Variants in PLCXD3 observed in about 807,000 individuals in gnomAD.
PLCXD3 encodes the protein phosphatidylinositol specific phospholipase C X domain containing 3.
PLCXD3 carries 19 observed loss-of-function variants against 25.5 expected under a neutral mutation model. That is an observed-to-expected ratio of 0.75 (90% CI 0.52 to 1.09). The LOEUF (loss-of-function observed/expected upper bound fraction) is 1.09, where lower values mean the gene tolerates loss of function less well. PLCXD3 is among the 50% of genes least tolerant of loss of function. The probability of loss-of-function intolerance (pLI) is 0.00; values close to 1 mark genes in which losing one functional copy is unlikely to be tolerated. For missense variants in PLCXD3, 411 were observed against 388.1 expected, an observed-to-expected ratio of 1.06 and a Z score of -0.50; for synonymous variants, 174 against 137.6, an observed-to-expected ratio of 1.26 and a Z score of -1.85.
intron 2 of PLCXD3, among the ~76,000 whole-genome samples, chr5:41,357,242 C>T (rs547774795): frequency 2.2e-4 from 34 of 152,086 alleles, no homozygotes; most frequent in Non-Finnish European, 3.7e-4. Context: ...ATACACTATT[C>T]GTTAATTGTG....
chr5:41,498,804 C>A (rs1007512394), intron 1 of PLCXD3, among the ~76,000 whole-genome samples: 7 of 151,680 alleles, frequency 4.6e-5, no homozygotes, highest in Admixed American at 4.6e-4. Flanking sequence ...GAATCATACA[C>A]CACGATTAAG....
chr5:41,465,070 T>C (rs1186779467), intron 1 of PLCXD3, among the ~76,000 whole-genome samples: 1 of 152,074 alleles, frequency 6.6e-6, no homozygotes, highest in Non-Finnish European at 1.5e-5. Context: ...TTCTTTCTTT[T>C]AAAAATTATT....
At chr5:41,328,570 C>T (rs1050405781) in intron 2 of PLCXD3, among the ~76,000 whole-genome samples, 5 of 152,116 alleles carry the variant, frequency 3.3e-5, no homozygotes, top group East Asian at 1.9e-4. Flanking sequence ...GTTGGTACAA[C>T]AGCAGGTCCC....
intron 1 of PLCXD3, among the ~76,000 whole-genome samples, chr5:41,470,882 T>G (rs1336321443): frequency 6.6e-6 from 1 of 151,878 alleles, no homozygotes; most frequent in African/African-American, 2.4e-5. Flanking sequence ...GTCCCAAGAG[T>G]TAATAAACTG....
intron 2 of PLCXD3, among the ~76,000 whole-genome samples, chr5:41,365,269 A>T (rs1483457393): frequency 6.6e-6 from 1 of 152,190 alleles, no homozygotes; most frequent in African/African-American, 2.4e-5. Context: ...GAGTAGAGAA[A>T]ATAGACGTGC....
chr5:41,310,482 C>T lies in PLCXD3; in HGVS notation c.*3135G>A, dbSNP rs1391153187. 6.6e-6 allele frequency: 1 copy of T among 152,296 alleles called. No individual in the cohort carries two copies. Among genetic ancestry groups the T allele is most frequent in the African/African-American group, 2.4e-5 (1 of 41,404 alleles). The allele number at this position is 152,296 out of a possible 1,614,324, so 9.4% of individuals were successfully genotyped here. A position where few individuals can be genotyped will look rare whatever the true frequency, so the allele number is the denominator to read the frequency against. On this transcript the variant is annotated 3_prime_UTR_variant, in exon 3 of 3. Transcript: ENST00000377801. ...AAAAAGTGCACCAAGGTGTATCTACCACCATCTTGGCGCCCATGTGTAGCC... is the reference window on the plus strand; with the variant it reads ...AAAAAGTGCACCAAGGTGTATCTACTACCATCTTGGCGCCCATGTGTAGCC...
chr5:41,361,746 A>T (rs970514307), intron 2 of PLCXD3, among the ~76,000 whole-genome samples: 1 of 152,224 alleles, frequency 6.6e-6, no homozygotes, highest in Non-Finnish European at 1.5e-5. Flanking sequence ...CAGTTAATCT[A>T]TTGTTTTATT....
At chr5:41,501,274 T>G (rs1486089865) in intron 1 of PLCXD3, among the ~76,000 whole-genome samples, 1 of 152,040 alleles carries the variant, frequency 6.6e-6, no homozygotes, top group Non-Finnish European at 1.5e-5. Flanking sequence ...TAAGCTTCAG[T>G]ATCGTTCACA....
At chr5:41,420,534 A>G (rs1746793966) in intron 1 of PLCXD3, among the ~76,000 whole-genome samples, 1 of 152,238 alleles carries the variant, frequency 6.6e-6, no homozygotes, top group African/African-American at 2.4e-5. Context: ...CAAAGGAATC[A>G]AACTGTCAGG....
chr5:41,435,447 C>T lies in PLCXD3; in HGVS notation c.104-52913G>A, dbSNP rs183016149. Among the ~76,000 whole-genome samples the T allele has an allele frequency of 1.0e-3, 155 of 152,256 alleles. 1 individual carries two copies. In the Middle Eastern group the frequency reaches 0.034, roughly 33 times the overall value. On this transcript the variant is annotated intron_variant, in intron 1 of 2. Transcript: ENST00000377801. Reference sequence around the variant, plus strand: ...TGCATTGTGTGATAGCTGAGGTTCACGGAGCACCACCCACATGGACACTGG... The same window carrying T: ...TGCATTGTGTGATAGCTGAGGTTCATGGAGCACCACCCACATGGACACTGG...
At chr5:41,448,519 A>T (rs749401104) in intron 1 of PLCXD3, among the ~76,000 whole-genome samples, 9 of 152,254 alleles carry the variant, frequency 5.9e-5, no homozygotes, top group Non-Finnish European at 1.3e-4. Context: ...TTGTAAAATC[A>T]TATAGAACTA....
chr5:41,336,060 A>G (rs1464380443), intron 2 of PLCXD3, among the ~76,000 whole-genome samples: 1 of 152,162 alleles, frequency 6.6e-6, no homozygotes, highest in African/African-American at 2.4e-5. Flanking sequence ...CGATTCAGGA[A>G]GATCAAGAGC....
intron 2 of PLCXD3, among the ~76,000 whole-genome samples, chr5:41,325,543 T>C (rs773912158): frequency 2.6e-5 from 4 of 152,238 alleles, no homozygotes; most frequent in Admixed American, 1.3e-4. Context: ...TATAACTGTT[T>C]ATATATCTGT....
intron 2 of PLCXD3, among the ~76,000 whole-genome samples, chr5:41,361,317 C>A (rs898069751): frequency 9.2e-5 from 14 of 152,202 alleles, no homozygotes; most frequent in Admixed American, 9.2e-4. Context: ...TGAGAATTTG[C>A]CCCATACCAT....
At chr5:41,380,096 T>C (rs1011507339) in intron 2 of PLCXD3, among the ~76,000 whole-genome samples, 2 of 151,374 alleles carry the variant, frequency 1.3e-5, no homozygotes, top group Admixed American at 6.6e-5. Flanking sequence ...CCCAAATGAG[T>C]TGGCCTATAT....
intron 1 of PLCXD3, among the ~76,000 whole-genome samples, chr5:41,424,518 C>T (rs1016054887): frequency 2.0e-5 from 3 of 151,808 alleles, no homozygotes; most frequent in Admixed American, 6.6e-5. Flanking sequence ...CCAGCCTGGG[C>T]AACAAGAGCA....
At chr5:41,351,507 A>T (rs113402325) in intron 2 of PLCXD3, among the ~76,000 whole-genome samples, 2,199 of 152,224 alleles carry the variant, frequency 0.014, 65 homozygotes, top group African/African-American at 0.051. Context: ...GTTCAAATGG[A>T]TTATCTCAGT....
At chr5:41,374,165 C>T (rs1745209630) in intron 2 of PLCXD3, among the ~76,000 whole-genome samples, 1 of 152,076 alleles carries the variant, frequency 6.6e-6, no homozygotes, top group African/African-American at 2.4e-5. Context: ...GATTAAGGTG[C>T]AGCTTGTTTG....
intron 2 of PLCXD3, among the ~76,000 whole-genome samples, chr5:41,348,107 G>A (rs1322385423): frequency 6.6e-6 from 1 of 152,150 alleles, no homozygotes; most frequent in African/African-American, 2.4e-5. Flanking sequence ...ATTCCTTATT[G>A]TAAAATGCTT....
Sources: gnomAD v4.1 joint callset for allele counts (sites outside exome capture counted in the v4.1 genomes callset) on GRCh38, gnomAD v4.1.1 for gene constraint, MANE v1.5 for transcripts, NCBI Gene and HGNC (gene_info 2026-07-23, HGNC 2026-07-21) for gene names.